The following RELCH variants were observed in gnomAD, a reference collection of about 807,000 sequenced individuals.
RELCH encodes RAB11 binding and LisH domain, coiled-coil and HEAT repeat containing.
In RELCH, 41 loss-of-function variants were observed where a neutral mutation model predicts 150.3. The observed-to-expected ratio is 0.27, with a 90% CI of 0.21 to 0.35. The LOEUF (loss-of-function observed/expected upper bound fraction) is 0.35. RELCH is among the 10% of genes least tolerant of loss of function. The probability of loss-of-function intolerance (pLI) is 1.00; values close to 1 mark genes in which losing one functional copy is unlikely to be tolerated. For synonymous variants in RELCH, 478 were observed against 531.8 expected (o/e 0.90, Z 1.39); for missense variants, 1,092 against 1,467.8 (o/e 0.74, Z 4.18).
At chr18:62,275,083 A>C (rs780950789) in intron 21 of RELCH, among the ~76,000 whole-genome samples, 2 of 152,062 alleles carry the variant, frequency 1.3e-5, no homozygotes, top group Non-Finnish European at 2.9e-5. Context: ...TGCCCAGCTA[A>C]TTTTTGTGTT....
intron 1 of RELCH, among the ~76,000 whole-genome samples, chr18:62,197,982 C>T (rs1451854240): frequency 6.6e-6 from 1 of 152,178 alleles, no homozygotes; most frequent in Non-Finnish European, 1.5e-5. Flanking sequence ...CTAGCTCTTT[C>T]AGCTTGGGTA....
chr18:62,188,306 G>C (rs2038307507), intron 1 of RELCH, among the ~76,000 whole-genome samples: 1 of 152,158 alleles, frequency 6.6e-6, no homozygotes, highest in Non-Finnish European at 1.5e-5. Context: ...TAGTTCACTG[G>C]CTATTACGGG....
chr18:62,190,151 T>C (rs2038515732), intron 1 of RELCH, among the ~76,000 whole-genome samples: 1 of 152,234 alleles, frequency 6.6e-6, no homozygotes. Flanking sequence ...ATTAAACTGT[T>C]TAACATAGTC....
At chr18:62,221,713 T>C (rs1191067198) in intron 5 of RELCH, among the ~76,000 whole-genome samples, 1 of 151,860 alleles carries the variant, frequency 6.6e-6, no homozygotes, top group Non-Finnish European at 1.5e-5. Flanking sequence ...CTTTTCATTC[T>C]TTCTAGATTC....
intron 26 of RELCH, among the ~76,000 whole-genome samples, chr18:62,290,941 T>G (rs61710743): frequency 4.6e-5 from 7 of 152,206 alleles, no homozygotes; most frequent in Admixed American, 4.6e-4. Flanking sequence ...GGCATCTCTT[T>G]TGTGTGAATC....
chr18:62,227,449 T>A lies in RELCH; in HGVS notation c.1019T>A (p.Ile340Lys), dbSNP rs769218271. 6 of 1,613,324 alleles carry A rather than the reference T, an allele frequency of 3.7e-6. No homozygotes were observed. The highest frequency in any genetic ancestry group is 5.1e-6 in the Non-Finnish European group (6 of 1,179,620). The change falls in exon 6 of 29, where the codon ATA (isoleucine) becomes AAA (lysine). Residue 340 changes from isoleucine (I) to lysine (K), a missense_variant. Ile to Lys is a moderately radical substitution (Grantham distance 102). This residue lies in a region of RELCH where 57 missense variants were observed against 41.5 expected (regional missense o/e 1.37). Coordinates refer to ENST00000644646, the MANE Select transcript of RELCH (RefSeq NM_001346231.2). ...GAATTAGAGGCCCTTACACCAATTA[T>A]AAGCAACCTTCCTCCAACTCTTGAA... ...EDELEALTPI[I>K]SNLPPTLETP...
intron 11 of RELCH, among the ~76,000 whole-genome samples, chr18:62,248,188 T>TA (rs1215998243): frequency 2.6e-5 from 4 of 152,220 alleles, no homozygotes; most frequent in Non-Finnish European, 5.9e-5. Flanking sequence ...TACATGTTTA[T>TA]AAAAATGCAT....
At position 62,221,434 on chromosome 18, in the gene RELCH, A is replaced by T. The variant is rs2040863283; in HGVS notation, c.795A>T (p.Glu265Asp). Residue 265 changes from glutamate (E) to aspartate (D), a missense_variant, in exon 5 of 29, where the codon GAA becomes GAT. Glu to Asp is a conservative substitution (Grantham distance 45). Coordinates refer to ENST00000644646, the MANE Select transcript of RELCH (RefSeq NM_001346231.2). Reference sequence around the variant, plus strand: ...GAGCTCTAAACTTCTTAGTCAATGAATTTTTATTGAAGAATAACTATAAGC... The same window carrying T: ...GAGCTCTAAACTTCTTAGTCAATGATTTTTTATTGAAGAATAACTATAAGC... The part of the protein sequence containing the change: ...EKRALNFLVN[E>D]FLLKNNYKLT... The T allele has an allele frequency of 1.3e-6, 2 of 1,596,308 alleles. No individual in the cohort carries two copies. The highest frequency in any genetic ancestry group is 2.3e-5 in the South Asian group (2 of 87,934).
intron 2 of RELCH, among the ~76,000 whole-genome samples, chr18:62,214,072 T>C (rs1436082133): frequency 6.6e-6 from 1 of 152,078 alleles, no homozygotes; most frequent in Non-Finnish European, 1.5e-5. Flanking sequence ...CTTACATTTT[T>C]AACCTATAGA....
intron 1 of RELCH, among the ~76,000 whole-genome samples, chr18:62,202,375 A>G (rs1360130525): frequency 6.6e-6 from 1 of 152,198 alleles, no homozygotes; most frequent in Admixed American, 6.5e-5. Context: ...TCCAAAGTAC[A>G]TATAGGGTAG....
chr18:62,248,771 T>C (rs893410814), intron 11 of RELCH, among the ~76,000 whole-genome samples: 2 of 152,220 alleles, frequency 1.3e-5, no homozygotes, highest in African/African-American at 2.4e-5. Context: ...TACGGTATGT[T>C]ATTTTGGCTA....
chr18:62,274,189 A>G, intron 21 of RELCH, 103 bp downstream of exon 21: 2 of 694,536 alleles, frequency 2.9e-6, no homozygotes, highest in Non-Finnish European at 4.9e-6. Context: ...ATGCACACCA[A>G]TTCTCTTGGT....
chr18:62,208,618 T>TAGTA (rs1161536436), intron 1 of RELCH, among the ~76,000 whole-genome samples: 1 of 152,152 alleles, frequency 6.6e-6, no homozygotes, highest in African/African-American at 2.4e-5. Context: ...GTACTAAGCC[T>TAGTA]AGTACCCAGT....
At chr18:62,246,453 G>A (rs1293185695) in intron 11 of RELCH, 2 of 152,072 alleles carry the variant, frequency 1.3e-5, no homozygotes, top group Non-Finnish European at 2.9e-5. Flanking sequence ...GTAGTGATAG[G>A]TTGACATTTC....
chr18:62,291,823 G>C (rs1179664396), intron 27 of RELCH, among the ~76,000 whole-genome samples, 192 bp downstream of exon 27: 2 of 151,814 alleles, frequency 1.3e-5, no homozygotes, highest in Non-Finnish European at 2.9e-5. Context: ...CTCTTTAATT[G>C]TCTACAGTAG....
rs1568460174 is a variant in RELCH at position 62,306,006 on chromosome 18, A to G, written c.*472A>G. The G allele has an allele frequency of 6.6e-6, 1 of 152,670 alleles. No individual in the cohort carries two copies. Among genetic ancestry groups the G allele is most frequent in the Non-Finnish European group, 1.5e-5 (1 of 68,076 alleles). The allele number at this position is 152,670 out of a possible 1,614,324, so 9.5% of individuals were successfully genotyped here. A position where few individuals can be genotyped will look rare whatever the true frequency, so the allele number is the denominator to read the frequency against. On this transcript the variant is annotated 3_prime_UTR_variant, in exon 29 of 29. Coordinates refer to ENST00000644646, the MANE Select transcript of RELCH (RefSeq NM_001346231.2). ...TTTTATTGTTTCTTAACTGACTAGA[A>G]AGAGCCACCAGCATTACTCTGTGCC... is the stretch of plus-strand genomic sequence containing the variant.
intron 1 of RELCH, among the ~76,000 whole-genome samples, chr18:62,206,567 C>T (rs958983842): frequency 6.6e-6 from 1 of 152,176 alleles, no homozygotes; most frequent in Non-Finnish European, 1.5e-5. Context: ...GCTTTCTATA[C>T]ACAAATAATC....
At chr18:62,229,979 T>G (rs1032312577) in intron 8 of RELCH, among the ~76,000 whole-genome samples, 2 of 152,082 alleles carry the variant, frequency 1.3e-5, no homozygotes, top group East Asian at 1.9e-4. Context: ...AAGGGTCCTC[T>G]GAGCTAGAGG....
At chr18:62,280,566 GTACT>G (rs2044459406) in intron 23 of RELCH, 76 bp from the exon 24 acceptor site, 2 of 1,298,620 alleles carry the variant, frequency 1.5e-6, no homozygotes, top group African/African-American at 1.5e-5. Context: ...TATTTACCTT[GTACT>G]TACTTTAATA....
Sources: gnomAD v4.1 joint callset for allele counts (sites outside exome capture counted in the v4.1 genomes callset) on GRCh38, gnomAD v4.1.1 for gene constraint, gnomAD v4.1.1 regional missense constraint, MANE v1.5 for transcripts, NCBI Gene and HGNC (gene_info 2026-07-23, HGNC 2026-07-21) for gene names.